The following PPP6R2 variants were observed in gnomAD, a reference collection of about 807,000 sequenced individuals.
The protein encoded by PPP6R2 is serine/threonine-protein phosphatase 6 regulatory subunit 2.
Under a neutral mutation model 100.2 loss-of-function variants are expected in PPP6R2, and 62 were observed. The observed-to-expected ratio is 0.62, with a 90% confidence interval of 0.50 to 0.76. The LOEUF is 0.76. Ranked by LOEUF, PPP6R2 falls within the 30% of genes least tolerant of loss-of-function variation. PPP6R2 has a pLI of 0.00. For synonymous variants in PPP6R2, 525 were observed against 514.7 expected (o/e 1.02, Z -0.27); for missense variants, 1,142 against 1,276.3 (o/e 0.89, Z 1.60).
At chr22:50,410,221 C>T (rs1043865424) in intron 4 of PPP6R2, among the ~76,000 whole-genome samples, 3 of 152,092 alleles carry the variant, frequency 2.0e-5, no homozygotes, top group Admixed American at 1.3e-4. Context: ...TTGGGTCTGA[C>T]AAACTGTGGT....
intron 10 of PPP6R2, among the ~76,000 whole-genome samples, chr22:50,425,881 GTTTTTT>G (rs549811034): frequency 7.2e-6 from 1 of 138,482 alleles, no homozygotes; most frequent in Non-Finnish European, 1.6e-5. Context: ...TTTTTTTTTT[GTTTTTT>G]TTTTTTAGTT....
chr22:50,386,921 C>A (rs373540536), intron 2 of PPP6R2, among the ~76,000 whole-genome samples: 24 of 152,242 alleles, frequency 1.6e-4, no homozygotes, highest in Middle Eastern at 3.4e-3. Context: ...AGAATGTCCC[C>A]CACACCTGCC....
chr22:50,338,524 G>GGTGTCTGGTGT, upstream of PPP6R2, among the ~76,000 whole-genome samples: 1 of 131,780 alleles, frequency 7.6e-6, no homozygotes, highest in Admixed American at 7.7e-5. Context: ...GTGTGTGTGC[G>GGTGTCTGGTGT]GTGTGTGTGT....
chr22:50,375,714 A>T (rs1389619892), intron 2 of PPP6R2, among the ~76,000 whole-genome samples: 2 of 152,094 alleles, frequency 1.3e-5, no homozygotes, highest in Non-Finnish European at 2.9e-5. Context: ...CTGGTAGTTC[A>T]GGGAAATCGG....
At chr22:50,374,887 C>T (rs1169025684) in intron 2 of PPP6R2, among the ~76,000 whole-genome samples, 1 of 129,884 alleles carries the variant, frequency 7.7e-6, no homozygotes, top group Non-Finnish European at 1.5e-5. Flanking sequence ...GCGCTCCAGC[C>T]TGGGCGAGAG....
chr22:50,368,926 A>G (rs1273694680), intron 1 of PPP6R2, among the ~76,000 whole-genome samples: 8 of 152,178 alleles, frequency 5.3e-5, no homozygotes, highest in Non-Finnish European at 1.0e-4. Context: ...CAAGATTAGA[A>G]TAAACAGGCC....
chr22:50,375,633 A>G (rs1304648320), intron 2 of PPP6R2, among the ~76,000 whole-genome samples: 1 of 151,916 alleles, frequency 6.6e-6, no homozygotes, highest in Admixed American at 6.6e-5. Flanking sequence ...ATGAAAAGGG[A>G]AAAAAACCTG....
At chr22:50,422,112 G>T (rs537158368) in intron 8 of PPP6R2, 142 bp from the exon 9 acceptor site, 14 of 1,010,960 alleles carry the variant, frequency 1.4e-5, no homozygotes, top group African/African-American at 9.7e-5. Flanking sequence ...GTGTGGAGAC[G>T]CTGGGTAGCT....
At chr22:50,441,111 G>A in intron 22 of PPP6R2, 85 bp downstream of exon 22, 1 of 1,191,900 alleles carries the variant, frequency 8.4e-7, no homozygotes, top group Non-Finnish European at 1.1e-6. Flanking sequence ...GCTCCCCTGA[G>A]AGGAGGTGAG....
At chr22:50,437,484 T>TGCCCA (rs2064597902) in intron 15 of PPP6R2, 22 bp from the exon 16 acceptor site, 1 of 542,122 alleles carries the variant, frequency 1.8e-6, no homozygotes, top group Non-Finnish European at 3.6e-6. Context: ...TGTCCGTCCC[T>TGCCCA]CCCTCCCTCC....
chr22:50,390,468 C>G (rs1251691330), intron 2 of PPP6R2, among the ~76,000 whole-genome samples: 1 of 152,138 alleles, frequency 6.6e-6, no homozygotes, highest in Non-Finnish European at 1.5e-5. Context: ...TCATGAAGGA[C>G]ATTTCAAAAT....
At chr22:50,369,283 A>G (rs1056869253) in intron 1 of PPP6R2, among the ~76,000 whole-genome samples, 2 of 144,994 alleles carry the variant, frequency 1.4e-5, no homozygotes, top group Non-Finnish European at 3.0e-5. Context: ...AAAACTGTAT[A>G]AAGTTTTAGA....
chr22:50,402,354 T>C (rs7285141), intron 3 of PPP6R2, among the ~76,000 whole-genome samples: 101,320 of 147,194 alleles, frequency 0.69, 35,106 homozygotes, highest in East Asian at 0.81. Context: ...TTTACCAAGT[T>C]CCCTATTTCT....
At chr22:50,424,244 C>G (rs1004247607) in intron 10 of PPP6R2, among the ~76,000 whole-genome samples, 7 of 152,180 alleles carry the variant, frequency 4.6e-5, no homozygotes, top group Admixed American at 2.0e-4. Context: ...CGTCTTCTGC[C>G]TGGCTCTGGG....
Position 50,357,509 on chromosome 22 carries a change from T to G in PPP6R2, c.-148+13959T>G, listed in dbSNP as rs139428952. 2.5e-3 allele frequency among the ~76,000 whole-genome samples: 386 copies of G among 152,022 alleles called. 2 individuals carry two copies. Among genetic ancestry groups the G allele is most frequent in the Non-Finnish European group, 4.1e-3 (280 of 67,980 alleles). On this transcript the variant is annotated intron_variant, in intron 1 of 23. Transcript: ENST00000612753. ...TCCCTGTCTCTCTCTCTCTCTTTCTTTTTTGATGAGGTCTCACTCTGTCAC... is the reference window on the plus strand; with the variant it reads ...TCCCTGTCTCTCTCTCTCTCTTTCTGTTTTGATGAGGTCTCACTCTGTCAC...
chr22:50,340,135 TACA>T (rs1569219358), upstream of PPP6R2, among the ~76,000 whole-genome samples: 4 of 121,592 alleles, frequency 3.3e-5, no homozygotes, highest in African/African-American at 6.0e-5. Flanking sequence ...GTGTGGTGTG[TACA>T]GTGTGTGGTG....
upstream of PPP6R2, among the ~76,000 whole-genome samples, chr22:50,340,277 T>C (rs2042357747): frequency 8.2e-6 from 1 of 122,152 alleles, no homozygotes; most frequent in African/African-American, 3.2e-5. Context: ...GTGTGTGTGG[T>C]ATGTGGTATG....
intron 2 of PPP6R2, among the ~76,000 whole-genome samples, chr22:50,387,329 G>A (rs960445355): frequency 2.6e-5 from 4 of 152,062 alleles, no homozygotes; most frequent in South Asian, 2.1e-4. Context: ...TCGGCCTCCC[G>A]AATTGTTGGG....
chr22:50,334,457 T>TA, the PPP6R2 span, among the ~76,000 whole-genome samples: 2 of 152,210 alleles, frequency 1.3e-5, no homozygotes, highest in Non-Finnish European at 2.9e-5. Context: ...AGAGTAATGC[T>TA]ATAAGCTAAT....
Sources: gnomAD v4.1 joint callset for allele counts (sites outside exome capture counted in the v4.1 genomes callset) on GRCh38, gnomAD v4.1.1 for gene constraint, MANE v1.5 for transcripts, NCBI Gene and HGNC (gene_info 2026-07-23, HGNC 2026-07-21) for gene names.